Variants in LOXL1 observed in about 807,000 individuals in gnomAD.
LOXL1 encodes lysyl oxidase homolog 1.
A neutral mutation model predicts 62.2 loss-of-function variants in LOXL1; 31 were observed. That is an observed-to-expected ratio of 0.50 (90% CI 0.37 to 0.67). The LOEUF (loss-of-function observed/expected upper bound fraction) is 0.67. Among genes scored for constraint, LOXL1 ranks in the 30% least tolerant of loss-of-function variants. The pLI, the probability that LOXL1 is intolerant of heterozygous loss-of-function variation, is 0.00. For missense variants in LOXL1, 775 were observed against 843.4 expected (o/e 0.92, Z 1.00); for synonymous variants, 403 against 384.4 (o/e 1.05, Z -0.56).
In LOXL1 at chr15:73,942,877, C is replaced by A; in HGVS notation, c.1126C>A (p.Pro376Thr). Residue 376 changes from proline to threonine, a missense_variant, in exon 2 of 7, where the codon CCC becomes ACC. Pro to Thr is a conservative substitution (Grantham distance 38). Coordinates refer to ENST00000261921, the MANE Select transcript of LOXL1 (RefSeq NM_005576.4). ...AGGTCTCCCTGACTTGGTCCCAGAC[C>A]CCAACTATGTGCAAGCATCCACTTA... ...GRGLPDLVPD[P>T]NYVQASTYVQ... 6.2e-7 allele frequency: 1 copy of A among 1,613,922 alleles called. No homozygotes were observed. The highest frequency in any genetic ancestry group is 8.5e-7 in the Non-Finnish European group (1 of 1,179,814).
At position 73,949,456 on chromosome 15, in the gene LOXL1, C is replaced by T. The variant is rs200893034; in HGVS notation, c.1603-3C>T. 1.2e-5 allele frequency: 19 copies of T among 1,578,754 alleles called. No individual in the cohort carries two copies. In the East Asian group the frequency reaches 2.5e-4, roughly 20 times the overall value. ...CTTTCTCCCTGTTTCTCTTCTTCCT[C>T]AGGTGCACGTGAACCCAAAGTATAT... is the stretch of plus-strand genomic sequence containing the variant. On this transcript the variant is annotated splice_region_variant and splice_polypyrimidine_tract_variant and intron_variant, in intron 5 of 6. Coordinates refer to ENST00000261921, the MANE Select transcript of LOXL1 (RefSeq NM_005576.4).
chr15:73,947,203 G>A lies in LOXL1; in HGVS notation c.1486G>A (p.Ala496Thr). The A allele has an allele frequency of 6.2e-7, 1 of 1,609,540 alleles. No individual in the cohort carries two copies. Residue 496 changes from alanine to threonine, a missense_variant, in exon 4 of 7, where the codon GCA becomes ACA. By Grantham distance (58) the Ala-to-Thr change is moderately conservative. Coordinates refer to ENST00000261921, the MANE Select transcript of LOXL1 (RefSeq NM_005576.4). ...TGACTTCGGCAACCTCAAGCGCTAT[G>A]CATGCACCTCTCATACCCAGGTTGG... is the stretch of plus-strand genomic sequence containing the variant. Reference protein sequence around the residue: ...TCDFGNLKRYACTSHTQGLSP... With the variant: ...TCDFGNLKRYTCTSHTQGLSP...
chr15:73,928,983 C>T (rs958490689), intron 1 of LOXL1, among the ~76,000 whole-genome samples: 1 of 152,124 alleles, frequency 6.6e-6, no homozygotes. Flanking sequence ...GGTGAACATA[C>T]GTCCTCCTCT....
chr15:73,942,617 G>A (rs1396442553), intron 1 of LOXL1, among the ~76,000 whole-genome samples: 1 of 152,064 alleles, frequency 6.6e-6, no homozygotes, highest in Non-Finnish European at 1.5e-5. Context: ...AGCTTTTCCA[G>A]GAAGTCTTAG....
At position 73,927,012 on chromosome 15, in the gene LOXL1, C is replaced by A; in HGVS notation, c.229C>A (p.Leu77Met). The part of the protein sequence containing the change: ...QRSESSSRVL[L>M]AGAPQAQQRR... ...CTCCGAGAGTAGCTCCCGGGTGCTG[C>A]TGGCCGGCGCGCCCCAGGCCCAGCA... Residue 77 changes from leucine (L) to methionine (M), a missense_variant, in exon 1 of 7, where the codon CTG (leucine) becomes ATG (methionine). By Grantham distance (15) the Leu-to-Met change is conservative. Coordinates refer to ENST00000261921, the MANE Select transcript of LOXL1 (RefSeq NM_005576.4). 6.9e-7 allele frequency: 1 copy of A among 1,440,730 alleles called. No individual in the cohort carries two copies. Among genetic ancestry groups the A allele is most frequent in the Non-Finnish European group, 9.2e-7 (1 of 1,086,558 alleles). 89.2% of individuals were successfully genotyped at this position (1,440,730 alleles called of 1,614,324 possible). A position where few individuals can be genotyped will look rare whatever the true frequency, so the allele number is the denominator to read the frequency against.
intron 1 of LOXL1, among the ~76,000 whole-genome samples, chr15:73,934,858 A>G (rs1303929606): frequency 6.6e-6 from 1 of 152,222 alleles, no homozygotes; most frequent in African/African-American, 2.4e-5. Context: ...GTCAGGCCTC[A>G]TGAAGGTGAC....
intron 1 of LOXL1, 72 bp downstream of exon 1, chr15:73,927,957 G>A (rs922942530): frequency 2.6e-5 from 33 of 1,257,580 alleles, no homozygotes; most frequent in Non-Finnish European, 3.0e-5. Flanking sequence ...GGCCCCCCGG[G>A]CCCCTCCTTA....
Position 73,926,533 on chromosome 15 carries a change from C to T in LOXL1, c.-251C>T, listed in dbSNP as rs562093042. 448 of 391,016 alleles carry T rather than the reference C, an allele frequency of 1.1e-3. 11 individuals carry two copies. In the Admixed American group the frequency reaches 0.018, roughly 16 times the overall value. 24.2% of individuals were successfully genotyped at this position (391,016 alleles called of 1,614,324 possible). The stretch of plus-strand genomic sequence containing the variant: ...TGGCCATGTAAGGCCCACAGGCGGT[C>T]CTGCCCGCCCGGTGCCCTGCGGAGA... On this transcript the variant is annotated 5_prime_UTR_variant, in exon 1 of 7. Coordinates refer to ENST00000261921, the MANE Select transcript of LOXL1 (RefSeq NM_005576.4).
In LOXL1 at chr15:73,947,895, T is replaced by C; in HGVS notation, c.1595T>C (p.Ile532Thr). The change falls in exon 5 of 7, where the codon ATC (isoleucine) becomes ACC (threonine). Residue 532 changes from isoleucine to threonine, a missense_variant. By Grantham distance (89) the Ile-to-Thr change is moderately conservative. Transcript: ENST00000261921. ...ACCGACGTGCAGCCTGGGAACTACA[T>C]CCTCAAGGTGGGCCTCTGGGTCTGG... ...DITDVQPGNY[I>T]LKVHVNPKYI... The C allele has an allele frequency of 1.2e-6, 2 of 1,612,730 alleles. No individual in the cohort carries two copies. Among genetic ancestry groups the C allele is most frequent in the Non-Finnish European group, 1.7e-6 (2 of 1,179,056 alleles).
chr15:73,943,889 C>T (rs2068731275), intron 2 of LOXL1, among the ~76,000 whole-genome samples: 1 of 152,154 alleles, frequency 6.6e-6, no homozygotes, highest in Admixed American at 6.5e-5. Context: ...CACTGCCACT[C>T]TAAGTAGCTG....
chr15:73,950,194 T>C (rs2068774233), intron 6 of LOXL1, among the ~76,000 whole-genome samples: 1 of 151,738 alleles, frequency 6.6e-6, no homozygotes. Flanking sequence ...TCAGTCTTTC[T>C]CCTGATTCCC....
rs1038742601 is a variant in LOXL1, at chr15:73,927,413, C to A, written c.630C>A (p.Gly210=). Reference sequence around the variant, plus strand: ...TCGTGTACTACCGGCCCGCGGGCGGCGGCGTGGGCGCGGGGGCGGCGGCCG... The same window carrying A: ...TCGTGTACTACCGGCCCGCGGGCGGAGGCGTGGGCGCGGGGGCGGCGGCCG... ...QGFVYYRPAG[G]GVGAGAAAVA... The change falls in exon 1 of 7, where the codon GGC becomes GGA. Residue 210 remains glycine (G), a synonymous_variant. Transcript: ENST00000261921. 13 of 1,530,672 alleles carry A rather than the reference C, an allele frequency of 8.5e-6. No homozygotes were observed. The highest frequency in any genetic ancestry group is 1.1e-5 in the Non-Finnish European group (13 of 1,141,446). 94.8% of individuals were successfully genotyped at this position (1,530,672 alleles called of 1,614,324 possible).
intron 1 of LOXL1, among the ~76,000 whole-genome samples, chr15:73,941,024 A>C (rs1049847876): frequency 2.6e-5 from 4 of 151,734 alleles, no homozygotes; most frequent in African/African-American, 9.7e-5. Context: ...AGGCCCAGCT[A>C]CCCCACCCTA....
Position 73,927,843 on chromosome 15 carries a change from C to T in LOXL1, c.1060C>T (p.Leu354Phe), listed in dbSNP as rs2068600708. ...GCGGAACGGCGCGCAGCAGGGCCGCCTCAGCGTGGGCAGCGTGTACCGGCC... is the reference window on the plus strand; with the variant it reads ...GCGGAACGGCGCGCAGCAGGGCCGCTTCAGCGTGGGCAGCGTGTACCGGCC... ...GERNGAQQGR[L>F]SVGSVYRPNQ... The change falls in exon 1 of 7, where the codon CTC (leucine) becomes TTC (phenylalanine). Residue 354 changes from leucine to phenylalanine, a missense_variant. By Grantham distance (22) the Leu-to-Phe change is conservative. Coordinates refer to ENST00000261921, the MANE Select transcript of LOXL1 (RefSeq NM_005576.4). 3.0e-6 allele frequency: 4 copies of T among 1,341,098 alleles called. No individual in the cohort carries two copies. The highest frequency in any genetic ancestry group is 3.8e-6 in the Non-Finnish European group (4 of 1,054,642). The allele number at this position is 1,341,098 out of a possible 1,614,324, so 83.1% of individuals were successfully genotyped here.
Position 73,930,095 on chromosome 15 carries a change from G to C in LOXL1, c.1102+2210G>C, listed in dbSNP as rs1027765197. ...TTTCTCCCCTGAAGGTAGCATCCTA[G>C]GTGCCAAGCTGAGTGTACTCACATG... On this transcript the variant is annotated intron_variant, in intron 1 of 6. Transcript: ENST00000261921. The surrounding 1 kb of genome is among the most constrained non-coding windows in gnomAD (Gnocchi z 4.7). Among the ~76,000 whole-genome samples the C allele has an allele frequency of 6.6e-6, 1 of 152,228 alleles. No individual in the cohort carries two copies. Among genetic ancestry groups the C allele is most frequent in the Admixed American group, 6.5e-5 (1 of 15,292 alleles).
chr15:73,945,711 C>CT lies in LOXL1; in HGVS notation c.1212-696dup, dbSNP rs1405818787. On this transcript the variant is annotated intron_variant, in intron 2 of 6. Transcript: ENST00000261921. This position sits in a 1 kb window ranked among gnomAD's most constrained non-coding sequence, Gnocchi z 4.3. ...ACTTATCAGAATCTCCTGGATAGGA[C>CT]TTTTTTTTTTCTTTTTTTTAGAAAG... Among the ~76,000 whole-genome samples, 7 of 148,994 alleles carry CT rather than the reference C, an allele frequency of 4.7e-5. No individual in the cohort carries two copies. The highest frequency in any genetic ancestry group is 7.5e-5 in the Non-Finnish European group (5 of 67,052).
Position 73,927,905 on chromosome 15 carries a change from C to T in LOXL1, c.1102+20C>T. ...GCCGCGGTGAGTACGGCCCCGGCGC[C>T]CCTCCGGCCGCGCGTACCCCTGGCC... On this transcript the variant is annotated intron_variant, in intron 1 of 6. Coordinates refer to ENST00000261921, the MANE Select transcript of LOXL1 (RefSeq NM_005576.4). The T allele has an allele frequency of 7.7e-7, 1 of 1,298,802 alleles. No homozygotes were observed. The highest frequency in any genetic ancestry group is 3.1e-5 in the East Asian group (1 of 31,990). The allele number at this position is 1,298,802 out of a possible 1,614,324, so 80.5% of individuals were successfully genotyped here. A position where few individuals can be genotyped will look rare whatever the true frequency, so the allele number is the denominator to read the frequency against.
At chr15:73,934,527 T>G (rs2068657447) in intron 1 of LOXL1, among the ~76,000 whole-genome samples, 1 of 152,154 alleles carries the variant, frequency 6.6e-6, no homozygotes, top group South Asian at 2.1e-4. Flanking sequence ...ATAATACCAC[T>G]CACCCCTGCC....
At chr15:73,938,209 G>A (rs2068687769) in intron 1 of LOXL1, among the ~76,000 whole-genome samples, 1 of 152,058 alleles carries the variant, frequency 6.6e-6, no homozygotes, top group Admixed American at 6.5e-5. Context: ...GAACCCGGGA[G>A]GTGGAGGTTG....
Sources: allele counts gnomAD v4.1 joint callset (sites outside exome capture counted in the v4.1 genomes callset), GRCh38; gene constraint gnomAD v4.1.1; non-coding constraint Gnocchi (gnomAD v3.1); transcripts MANE v1.5; gene names NCBI Gene and HGNC (gene_info 2026-07-23, HGNC 2026-07-21).